MGAM2: variants seen among roughly 807,000 people sequenced by gnomAD.
MGAM2 encodes the protein maltase-glucoamylase 2 (putative).
In MGAM2, 98 loss-of-function variants were observed where a neutral mutation model predicts 96.1. The ratio of observed to expected loss-of-function variants is 1.02; its 90% CI spans 0.87 to 1.21. The LOEUF is 1.21. MGAM2 is among the 50% of genes most tolerant of loss of function. MGAM2 has a pLI of 0.00. For synonymous variants in MGAM2, 749 were observed against 414.8 expected (o/e 1.81, Z -9.79); for missense variants, 2,055 against 1,182.4 (o/e 1.74, Z -10.82).
chr7:142,134,260 G>GC, intron 7 of MGAM2, 108 bp downstream of exon 7: 1 of 471,746 alleles, frequency 2.1e-6, no homozygotes, highest in Non-Finnish European at 3.8e-6. Context: ...CACTTTAGAT[G>GC]TGTTAGTGTT....
intron 10 of MGAM2, 74 bp from the exon 11 acceptor site, chr7:142,140,728 G>C: frequency 1.7e-6 from 1 of 593,068 alleles, no homozygotes; most frequent in Non-Finnish European, 3.0e-6. Flanking sequence ...CAATGGTCAG[G>C]AACCAGAGCT....
At chr7:142,134,220 C>T in intron 7 of MGAM2, 68 bp downstream of exon 7, 3 of 642,442 alleles carry the variant, frequency 4.7e-6, no homozygotes, top group Non-Finnish European at 8.5e-6. Flanking sequence ...CTAAAAGTAG[C>T]CTGCAGGAAT....
At position 142,220,264 on chromosome 7, in the gene MGAM2, C is replaced by T. The variant is rs1324503620; in HGVS notation, c.5753C>T (p.Pro1918Leu). The change falls in exon 48 of 48, where the codon CCC becomes CTC. Residue 1918 changes from proline (P) to leucine (L), a missense_variant. Transcript: ENST00000477922. ...TIGVTTNATV[P>L]NTTAPFPTNA... ...GGTGTTACAACTAATGCTACTGTTCCCAATACAACTGCCCCTTTCCCAACA... is the reference window on the plus strand; with the variant it reads ...GGTGTTACAACTAATGCTACTGTTCTCAATACAACTGCCCCTTTCCCAACA... 2.8e-6 allele frequency: 2 copies of T among 702,524 alleles called. No homozygotes were observed. The highest frequency in any genetic ancestry group is 5.2e-6 in the Non-Finnish European group (2 of 384,910). The allele number at this position is 702,524 out of a possible 1,614,324, so 43.5% of individuals were successfully genotyped here.
chr7:142,155,980 T>C (rs1321341742), intron 17 of MGAM2, among the ~76,000 whole-genome samples: 1 of 152,144 alleles, frequency 6.6e-6, no homozygotes, highest in Non-Finnish European at 1.5e-5. Context: ...ACTCTATCTC[T>C]ACTAAAAATA....
At chr7:142,157,393 A>G (rs557858904) in intron 17 of MGAM2, among the ~76,000 whole-genome samples, 5 of 142,730 alleles carry the variant, frequency 3.5e-5, no homozygotes, top group African/African-American at 5.2e-5. Flanking sequence ...ACAGACACCA[A>G]TTTTTTTTTT....
At chr7:142,116,300 A>G (rs1256744233) in intron 1 of MGAM2, among the ~76,000 whole-genome samples, 1 of 152,162 alleles carries the variant, frequency 6.6e-6, no homozygotes, top group East Asian at 1.9e-4. Flanking sequence ...AATTTATGTG[A>G]GTTGTTTGCT....
chr7:142,171,228 G>T, intron 27 of MGAM2, 44 bp from the exon 28 acceptor site: 1 of 701,430 alleles, frequency 1.4e-6, no homozygotes, highest in Non-Finnish European at 2.6e-6. Flanking sequence ...AAGTAGCTCT[G>T]GCCAGTGGTC....
intron 35 of MGAM2, among the ~76,000 whole-genome samples, chr7:142,187,315 A>T (rs1373727603): frequency 2.6e-5 from 4 of 152,370 alleles, no homozygotes; most frequent in African/African-American, 9.6e-5. Flanking sequence ...ATAGAGGAAG[A>T]TAATAGTAAC....
chr7:142,112,422 A>T (rs1401429740), intron 1 of MGAM2, among the ~76,000 whole-genome samples: 2 of 152,176 alleles, frequency 1.3e-5, no homozygotes, highest in African/African-American at 4.8e-5. Context: ...GAAAGAAAAA[A>T]GTCTCCCTGT....
chr7:142,162,251 T>C (rs1795911504), intron 23 of MGAM2, among the ~76,000 whole-genome samples: 1 of 152,040 alleles, frequency 6.6e-6, no homozygotes, highest in Non-Finnish European at 1.5e-5. Context: ...ACCTTTGAGT[T>C]TTATGTGATG....
Position 142,211,949 on chromosome 7 carries a change from G to A in MGAM2, c.5187+3327G>A, listed in dbSNP as rs191223959. Among the ~76,000 whole-genome samples the A allele has an allele frequency of 3.3e-3, 501 of 152,278 alleles. 3 individuals carry two copies. Among genetic ancestry groups the A allele is most frequent in the African/African-American group, 0.011 (471 of 41,532 alleles). Reference sequence around the variant, plus strand: ...TTAAGGTCAGCCAGAGAGGAAGGTTGGGTTACCCACAAAGGGAAGCCCATC... The same window carrying A: ...TTAAGGTCAGCCAGAGAGGAAGGTTAGGTTACCCACAAAGGGAAGCCCATC... On this transcript the variant is annotated intron_variant, in intron 46 of 47. Coordinates refer to ENST00000477922, the MANE Select transcript of MGAM2 (RefSeq NM_001293626.2).
In MGAM2 at chr7:142,145,590, A is replaced by T. The variant is rs372237378; in HGVS notation, c.1516+645A>T. The stretch of plus-strand genomic sequence containing the variant: ...ATAGAATACACTATGCTCTGGCAAC[A>T]TATAAACCCCAATATCTCAGTGGAT... On this transcript the variant is annotated intron_variant, in intron 14 of 47. Coordinates refer to ENST00000477922, the MANE Select transcript of MGAM2 (RefSeq NM_001293626.2). Among the ~76,000 whole-genome samples, 123 of 152,180 alleles carry T rather than the reference A, an allele frequency of 8.1e-4. 3 individuals carry two copies. The highest frequency in any genetic ancestry group is 2.9e-3 in the African/African-American group (120 of 41,454).
intron 35 of MGAM2, among the ~76,000 whole-genome samples, chr7:142,186,525 AG>A: frequency 6.6e-6 from 1 of 152,214 alleles, no homozygotes; most frequent in Non-Finnish European, 1.5e-5. Context: ...CGTTTGCCAT[AG>A]TACTGGGGCA....
At chr7:142,112,257 C>G (rs1332170380) in intron 1 of MGAM2, among the ~76,000 whole-genome samples, 1 of 152,086 alleles carries the variant, frequency 6.6e-6, no homozygotes, top group East Asian at 1.9e-4. Flanking sequence ...CCCATCCTGT[C>G]CTCTGCCTGA....
intron 2 of MGAM2, among the ~76,000 whole-genome samples, chr7:142,117,497 A>G (rs1817453616): frequency 1.3e-5 from 2 of 152,174 alleles, no homozygotes; most frequent in Non-Finnish European, 2.9e-5. Flanking sequence ...TCTTTCACGC[A>G]CATATTATAA....
Position 142,148,117 on chromosome 7 carries a change from ACAC to A in MGAM2, c.1634+545_1634+547del, listed in dbSNP as rs1396723596. 1.3e-5 allele frequency among the ~76,000 whole-genome samples: 2 copies of A among 151,920 alleles called. No homozygotes were observed. The highest frequency in any genetic ancestry group is 2.4e-5 in the African/African-American group (1 of 41,344). ...CACACACATGCACACACACGTGCAC[ACAC>A]AACTATCACCATCACCACCACCATT... On this transcript the variant is annotated intron_variant, in intron 15 of 47. Coordinates refer to ENST00000477922, the MANE Select transcript of MGAM2 (RefSeq NM_001293626.2). This position sits in a 1 kb window ranked among gnomAD's most constrained non-coding sequence, Gnocchi z 4.2.
chr7:142,174,204 C>T (rs1313362398), intron 31 of MGAM2, among the ~76,000 whole-genome samples: 1 of 152,122 alleles, frequency 6.6e-6, no homozygotes, highest in Non-Finnish European at 1.5e-5. Flanking sequence ...ATAGTTTTCT[C>T]TAGTTTGTGA....
chr7:142,185,821 A>G (rs370866717), intron 34 of MGAM2, among the ~76,000 whole-genome samples, 168 bp from the exon 35 acceptor site: 1 of 152,350 alleles, frequency 6.6e-6, no homozygotes, highest in East Asian at 1.9e-4. Flanking sequence ...TAAAGAATGA[A>G]GTCAGCCTTC....
intron 3 of MGAM2, among the ~76,000 whole-genome samples, chr7:142,129,022 C>T (rs1257370971): frequency 1.3e-5 from 2 of 152,214 alleles, no homozygotes; most frequent in Non-Finnish European, 2.9e-5. Flanking sequence ...AAGAGGGGGG[C>T]TGTACATGCA....
Sources: allele counts gnomAD v4.1 joint callset (sites outside exome capture counted in the v4.1 genomes callset), GRCh38; gene constraint gnomAD v4.1.1; non-coding constraint Gnocchi (gnomAD v3.1); transcripts MANE v1.5; gene names NCBI Gene and HGNC (gene_info 2026-07-23, HGNC 2026-07-21).